PHACTR2: variants seen among roughly 807,000 people sequenced by gnomAD.
PHACTR2 encodes phosphatase and actin regulator 2.
PHACTR2 carries 30 observed loss-of-function variants against 76.0 expected under a neutral mutation model. The ratio of observed to expected loss-of-function variants is 0.39; its 90% confidence interval spans 0.30 to 0.54. The LOEUF (loss-of-function observed/expected upper bound fraction) is 0.54, where lower values mean the gene tolerates loss of function less well. Ranked by LOEUF, PHACTR2 falls within the 20% of genes least tolerant of loss-of-function variation. The pLI, the probability that PHACTR2 is intolerant of heterozygous loss-of-function variation, is 0.61. For synonymous variants in PHACTR2, 292 were observed against 292.5 expected, an observed-to-expected ratio of 1.00 and a Z score of 0.02; for missense variants, 696 against 781.1, an observed-to-expected ratio of 0.89 and a Z score of 1.30.
At chr6:143,734,829 T>C (rs568784953) in intron 2 of PHACTR2, among the ~76,000 whole-genome samples, 8 of 152,284 alleles carry the variant, frequency 5.3e-5, no homozygotes, top group African/African-American at 1.7e-4. Flanking sequence ...TCATTTTCCT[T>C]TGGAGTGGTG....
At chr6:143,740,508 T>G (rs116373210) in intron 2 of PHACTR2, among the ~76,000 whole-genome samples, 3 of 128,680 alleles carry the variant, frequency 2.3e-5, no homozygotes, top group Non-Finnish European at 4.8e-5. Context: ...TCCTTTTAAT[T>G]AAAAAAAAAA....
At position 143,731,506 on chromosome 6, in the gene PHACTR2, C is replaced by T. The variant is rs537254617; in HGVS notation, c.215-17479C>T. On this transcript the variant is annotated intron_variant, in intron 2 of 12. Transcript: ENST00000440869. The surrounding 1 kb of genome is among the most constrained non-coding windows in gnomAD (Gnocchi z 4.9). The stretch of plus-strand genomic sequence containing the variant: ...TTCTCCATGTTGGTCAGGCTGGTCT[C>T]GAACTCTGGACCTCAGGTGATCTGC... 2.6e-4 allele frequency among the ~76,000 whole-genome samples: 39 copies of T among 152,250 alleles called. No individual in the cohort carries two copies. Among genetic ancestry groups the T allele is most frequent in the African/African-American group, 8.7e-4 (36 of 41,548 alleles).
At chr6:143,686,481 C>CTTTTTTTTTTTTTTTT (rs71024870) in intron 1 of PHACTR2, among the ~76,000 whole-genome samples, 1 of 83,986 alleles carries the variant, frequency 1.2e-5, no homozygotes, top group Non-Finnish European at 2.2e-5. Context: ...GAACTTCATT[C>CTTTTTTTTTTTTTTTT]TTTTTTTTTT....
intron 9 of PHACTR2, among the ~76,000 whole-genome samples, chr6:143,781,503 C>T (rs554551522): frequency 1.1e-4 from 17 of 152,110 alleles, no homozygotes; most frequent in South Asian, 1.0e-3. Context: ...CAAAAATGTT[C>T]TCAGAATTAT....
chr6:143,748,105 G>A (rs750467102), intron 2 of PHACTR2, among the ~76,000 whole-genome samples: 2 of 151,206 alleles, frequency 1.3e-5, no homozygotes, highest in Admixed American at 6.6e-5. Flanking sequence ...CGCTCTTGTC[G>A]CCCAGGCTGG....
chr6:143,769,571 A>G (rs980919327), intron 6 of PHACTR2, among the ~76,000 whole-genome samples: 2 of 152,160 alleles, frequency 1.3e-5, no homozygotes, highest in Non-Finnish European at 2.9e-5. Flanking sequence ...CTTTGATTCC[A>G]TGAACTATAA....
chr6:143,540,383 A>G (rs1189952196), intron 1 of PHACTR2, among the ~76,000 whole-genome samples: 3 of 152,168 alleles, frequency 2.0e-5, no homozygotes, highest in Non-Finnish European at 4.4e-5. Flanking sequence ...GCTACCTGCA[A>G]TCATTACCCC....
At position 143,757,812 on chromosome 6, in the gene PHACTR2, T is replaced by G. The variant is rs1332511115; in HGVS notation, c.455-2589T>G. Among the ~76,000 whole-genome samples, 4 of 152,340 alleles carry G rather than the reference T, an allele frequency of 2.6e-5. No individual in the cohort carries two copies. The East Asian group carries it at 7.7e-4, about 29-fold the overall frequency. ...GTGTGTGTCAATAACTATTAGACAG[T>G]CAGTCCCATTCGTTGAATAGACATA... On this transcript the variant is annotated intron_variant, in intron 4 of 12. Coordinates refer to ENST00000440869, the MANE Select transcript of PHACTR2 (RefSeq NM_001100164.2). This position sits in a 1 kb window ranked among gnomAD's most constrained non-coding sequence, Gnocchi z 4.2.
chr6:143,768,063 C>G (rs1463725292), intron 6 of PHACTR2, among the ~76,000 whole-genome samples: 3 of 152,170 alleles, frequency 2.0e-5, no homozygotes, highest in Admixed American at 1.3e-4. Context: ...GTCTTGAACT[C>G]TTGACCTTGT....
chr6:143,828,282 C>G lies in PHACTR2; in HGVS notation c.*4593C>G, dbSNP rs1415673657. 6.6e-6 allele frequency: 1 copy of G among 152,086 alleles called. No homozygotes were observed. The highest frequency in any genetic ancestry group is 1.5e-5 in the Non-Finnish European group (1 of 68,016). The allele number at this position is 152,086 out of a possible 1,614,324, so 9.4% of individuals were successfully genotyped here. On this transcript the variant is annotated 3_prime_UTR_variant, in exon 13 of 13. Transcript: ENST00000440869. The surrounding 1 kb of genome is among the most constrained non-coding windows in gnomAD (Gnocchi z 4.7). ...AGTACATGCCCAGTTAGTTCAAACC[C>G]AGGTTTCAAAGAAGTAGCACTGGGC...
Position 143,702,093 on chromosome 6 carries a change from T to A in PHACTR2, c.47-9923T>A, listed in dbSNP as rs139922252. Among the ~76,000 whole-genome samples, 8 of 152,026 alleles carry A rather than the reference T, an allele frequency of 5.3e-5. No homozygotes were observed. The East Asian group carries it at 1.5e-3, about 29-fold the overall frequency. On this transcript the variant is annotated intron_variant, in intron 1 of 12. Coordinates refer to ENST00000440869, the MANE Select transcript of PHACTR2 (RefSeq NM_001100164.2). Reference sequence around the variant, plus strand: ...AAAACCCAGAACAATAACACAGATTTATTGCTTGTCCTGATTGTGCAATGT... The same window carrying A: ...AAAACCCAGAACAATAACACAGATTAATTGCTTGTCCTGATTGTGCAATGT...
chr6:143,562,975 G>C lies in PHACTR2; in HGVS notation c.217+25768G>C. Among the ~76,000 whole-genome samples, 1 of 152,198 alleles carries C rather than the reference G, an allele frequency of 6.6e-6. No homozygotes were observed. Among genetic ancestry groups the C allele is most frequent in the East Asian group, 1.9e-4 (1 of 5,204 alleles). ...AGAGTATAAGCTTCTAGGGGCTGGAGGAAAGGGGAGAAAAGGAGTTATTGT... is the reference window on the plus strand; with the variant it reads ...AGAGTATAAGCTTCTAGGGGCTGGACGAAAGGGGAGAAAAGGAGTTATTGT... On this transcript the variant is annotated intron_variant, in intron 1 of 11. Transcript: ENST00000367584. The surrounding 1 kb of genome is among the most constrained non-coding windows in gnomAD (Gnocchi z 5.1).
rs1482565112 is a variant in PHACTR2 at position 143,789,578 on chromosome 6, G to A, written c.1845+668G>A. Among the ~76,000 whole-genome samples, 1 of 152,072 alleles carries A rather than the reference G, an allele frequency of 6.6e-6. No individual in the cohort carries two copies. The highest frequency in any genetic ancestry group is 2.4e-5 in the African/African-American group (1 of 41,382). On this transcript the variant is annotated intron_variant, in intron 11 of 12. Coordinates refer to ENST00000440869, the MANE Select transcript of PHACTR2 (RefSeq NM_001100164.2). This position sits in a 1 kb window ranked among gnomAD's most constrained non-coding sequence, Gnocchi z 5.1. Reference sequence around the variant, plus strand: ...CCTTATTAGTACCATTGTTCCATAGGCAAAGATTCGTGCCAACCGTTTGTT... The same window carrying A: ...CCTTATTAGTACCATTGTTCCATAGACAAAGATTCGTGCCAACCGTTTGTT...
intron 1 of PHACTR2, among the ~76,000 whole-genome samples, chr6:143,622,471 G>A (rs1776172121): frequency 6.6e-6 from 1 of 152,154 alleles, no homozygotes. Flanking sequence ...GGTTTCCTTA[G>A]TCCTACCCCA....
At chr6:143,768,522 C>T (rs377002612) in intron 6 of PHACTR2, among the ~76,000 whole-genome samples, 4 of 152,246 alleles carry the variant, frequency 2.6e-5, no homozygotes, top group Admixed American at 6.5e-5. Flanking sequence ...AAAGTGTTTC[C>T]TGATATAGTC....
rs1488331701 is a variant in PHACTR2 at position 143,617,159 on chromosome 6, G to A, written c.13+8837G>A. 6.6e-6 allele frequency among the ~76,000 whole-genome samples: 1 copy of A among 152,154 alleles called. No individual in the cohort carries two copies. Among genetic ancestry groups the A allele is most frequent in the East Asian group, 1.9e-4 (1 of 5,196 alleles). The stretch of plus-strand genomic sequence containing the variant: ...GGTGGTGGCAGTGGGGAAGGGGAGA[G>A]GAAACTTACTTCAATCCCAGCCCTG... On this transcript the variant is annotated intron_variant, in intron 1 of 11. Transcript: ENST00000305766. The surrounding 1 kb of genome is among the most constrained non-coding windows in gnomAD (Gnocchi z 4.8).
At chr6:143,788,642 CT>C (rs200962238) in intron 10 of PHACTR2, 130 bp from the exon 11 acceptor site, 145,833 of 431,728 alleles carry the variant, frequency 0.34, 7,504 homozygotes, top group Admixed American at 0.37. Context: ...ATGCTGTTGC[CT>C]TTTTTTTTTT....
intron 1 of PHACTR2, among the ~76,000 whole-genome samples, chr6:143,630,750 A>G (rs879536458): frequency 2.0e-5 from 3 of 152,240 alleles, no homozygotes; most frequent in Non-Finnish European, 4.4e-5. Context: ...ATACTGGAAA[A>G]TTGAAACTAA....
rs1775436725 is a variant in PHACTR2, at chr6:143,570,702, C to T, written c.217+33495C>T. Among the ~76,000 whole-genome samples, 1 of 152,092 alleles carries T rather than the reference C, an allele frequency of 6.6e-6. No individual in the cohort carries two copies. The highest frequency in any genetic ancestry group is 6.6e-5 in the Admixed American group (1 of 15,248). Reference sequence around the variant, plus strand: ...TTTTTATGAAGATCAGTCCTTTGCACAGCAGCCATGGCCAGCGTGAGGTGC... The same window carrying T: ...TTTTTATGAAGATCAGTCCTTTGCATAGCAGCCATGGCCAGCGTGAGGTGC... On this transcript the variant is annotated intron_variant, in intron 1 of 11. Transcript: ENST00000367584. The surrounding 1 kb of genome is among the most constrained non-coding windows in gnomAD (Gnocchi z 4.6).
Sources: allele counts gnomAD v4.1 joint callset (sites outside exome capture counted in the v4.1 genomes callset), GRCh38; gene constraint gnomAD v4.1.1; non-coding constraint Gnocchi (gnomAD v3.1); transcripts MANE v1.5; gene names NCBI Gene and HGNC (gene_info 2026-07-23, HGNC 2026-07-21).